MLLT3: variants seen among roughly 807,000 people sequenced by gnomAD.
MLLT3 encodes the protein protein AF-9.
MLLT3 carries 4 observed loss-of-function variants against 53.2 expected under a neutral mutation model. The observed-to-expected ratio is 0.08, with a 90% CI of 0.04 to 0.17. The LOEUF (loss-of-function observed/expected upper bound fraction) is 0.17. Ranked by LOEUF, MLLT3 falls within the 10% of genes least tolerant of loss-of-function variation. The pLI, the probability that MLLT3 is intolerant of heterozygous loss-of-function variation, is 1.00. For synonymous variants in MLLT3, 283 were observed against 230.6 expected, an observed-to-expected ratio of 1.23 and a Z score of -2.06; for missense variants, 569 against 684.0, an observed-to-expected ratio of 0.83 and a Z score of 1.87.
Position 20,353,614 on chromosome 9 carries a change from C to A in MLLT3, c.1504-18G>T, listed in dbSNP as rs372483629. Reference sequence around the variant, plus strand: ...AGGTATGCCTGAAAGAGAAGAATGTCCCCGAAAAGGACAAGCACTTTAAGT... The same window carrying A: ...AGGTATGCCTGAAAGAGAAGAATGTACCCGAAAAGGACAAGCACTTTAAGT... On this transcript the variant is annotated intron_variant, in intron 9 of 10. Coordinates refer to ENST00000380338, the MANE Select transcript of MLLT3 (RefSeq NM_004529.4). 1.2e-6 allele frequency: 2 copies of A among 1,607,366 alleles called. No individual in the cohort carries two copies. Among genetic ancestry groups the A allele is most frequent in the African/African-American group, 1.3e-5 (1 of 74,784 alleles).
At chr9:20,565,988 T>TTATATATATTTATATATA in intron 2 of MLLT3, among the ~76,000 whole-genome samples, 1 of 69,436 alleles carries the variant, frequency 1.4e-5, no homozygotes, top group Non-Finnish European at 2.9e-5. Flanking sequence ...ATATATTTAT[T>TTATATATATTTATATATA]TATATATTTA....
rs1820983415 is a variant in MLLT3 at position 20,620,855 on chromosome 9, GAC to G, written c.13-23_13-22del. The G allele has an allele frequency of 6.2e-7, 1 of 1,613,702 alleles. No individual in the cohort carries two copies. Among genetic ancestry groups the G allele is most frequent in the Non-Finnish European group, 8.5e-7 (1 of 1,179,876 alleles). On this transcript the variant is annotated intron_variant, in intron 1 of 10. Coordinates refer to ENST00000380338, the MANE Select transcript of MLLT3 (RefSeq NM_004529.4). This position sits in a 1 kb window ranked among gnomAD's most constrained non-coding sequence, Gnocchi z 6.1. ...GCACACTGCGGGCAGGGGGAGGAGAGACAGCCGTGAATAACAGGAAGGCGAGG... is the reference window on the plus strand; with the variant it reads ...GCACACTGCGGGCAGGGGGAGGAGAGAGCCGTGAATAACAGGAAGGCGAGG...
chr9:20,350,557 T>A (rs1820993397), intron 10 of MLLT3, among the ~76,000 whole-genome samples: 1 of 137,158 alleles, frequency 7.3e-6, no homozygotes, highest in Non-Finnish European at 1.5e-5. Context: ...ATCCCGCCAC[T>A]GCACTCCAGC....
At chr9:20,475,629 G>A (rs1265172324) in intron 2 of MLLT3, among the ~76,000 whole-genome samples, 1 of 152,036 alleles carries the variant, frequency 6.6e-6, no homozygotes. Flanking sequence ...TGGTGCATTT[G>A]TTTAAAACAA....
intron 10 of MLLT3, 68 bp from the exon 11 acceptor site, chr9:20,346,642 T>C: frequency 1.0e-5 from 15 of 1,466,402 alleles, no homozygotes; most frequent in African/African-American, 4.2e-5. Context: ...GAGAGAGTAA[T>C]GGAGGGGCGA....
At chr9:20,591,161 G>T (rs1820118804) in intron 2 of MLLT3, among the ~76,000 whole-genome samples, 1 of 152,022 alleles carries the variant, frequency 6.6e-6, no homozygotes, top group African/African-American at 2.4e-5. Flanking sequence ...CCTATTTTTT[G>T]AATCTAGTTT....
chr9:20,393,324 T>C (rs2118726104), intron 5 of MLLT3, among the ~76,000 whole-genome samples: 1 of 152,294 alleles, frequency 6.6e-6, no homozygotes, highest in South Asian at 2.1e-4. Context: ...TTCCAGAGTT[T>C]ACTGGGAAAC....
rs549825592 is a variant in MLLT3 at position 20,342,457 on chromosome 9, A to T, written c.*3986T>A. The T allele has an allele frequency of 4.5e-6, 1 of 222,246 alleles. No homozygotes were observed. Among genetic ancestry groups the T allele is most frequent in the African/African-American group, 2.2e-5 (1 of 44,646 alleles). The allele number at this position is 222,246 out of a possible 1,614,324, so 13.8% of individuals were successfully genotyped here. The stretch of plus-strand genomic sequence containing the variant: ...TCAATAATACATTTTCACTTAATTT[A>T]TTTTTGCACTGCATGGTAGCTCTGG... On this transcript the variant is annotated 3_prime_UTR_variant, in exon 11 of 11. Transcript: ENST00000380338.
At chr9:20,512,675 T>G (rs1817784932) in intron 2 of MLLT3, among the ~76,000 whole-genome samples, 1 of 152,244 alleles carries the variant, frequency 6.6e-6, no homozygotes, top group Non-Finnish European at 1.5e-5. Flanking sequence ...TTATTGTTTT[T>G]GGTTTTTTAA....
chr9:20,561,570 T>G (rs1435905950), intron 2 of MLLT3, among the ~76,000 whole-genome samples: 1 of 152,156 alleles, frequency 6.6e-6, no homozygotes, highest in East Asian at 1.9e-4. Flanking sequence ...CTTTCCAAAG[T>G]TGTCTTTAAA....
chr9:20,547,400 C>G (rs1587055123), intron 2 of MLLT3, among the ~76,000 whole-genome samples: 2 of 150,604 alleles, frequency 1.3e-5, no homozygotes, highest in African/African-American at 2.4e-5. Flanking sequence ...TCCCAGCACT[C>G]TGGGAGGCCG....
intron 4 of MLLT3, among the ~76,000 whole-genome samples, chr9:20,438,084 A>G (rs1823449993): frequency 6.6e-6 from 1 of 152,238 alleles, no homozygotes; most frequent in Non-Finnish European, 1.5e-5. Context: ...AGCACAAAGC[A>G]GAGTGGCAGA....
chr9:20,401,198 G>A (rs1235155082), intron 5 of MLLT3, among the ~76,000 whole-genome samples: 1 of 152,060 alleles, frequency 6.6e-6, no homozygotes, highest in East Asian at 1.9e-4. Context: ...TTACATGAAG[G>A]TAAAGCTCTG....
chr9:20,498,428 A>G (rs1223658603), intron 2 of MLLT3, among the ~76,000 whole-genome samples: 3 of 151,816 alleles, frequency 2.0e-5, no homozygotes, highest in Non-Finnish European at 2.9e-5. Context: ...TCACATCTGT[A>G]TATCTCCTTT....
intron 2 of MLLT3, among the ~76,000 whole-genome samples, chr9:20,519,176 C>T (rs1817992763): frequency 6.6e-6 from 1 of 151,032 alleles, no homozygotes; most frequent in African/African-American, 2.4e-5. Flanking sequence ...TCTTGAAACA[C>T]AAAAAAAAGA....
At chr9:20,501,581 C>G (rs529363750) in intron 2 of MLLT3, among the ~76,000 whole-genome samples, 10 of 151,582 alleles carry the variant, frequency 6.6e-5, no homozygotes, top group Admixed American at 1.3e-4. Context: ...GAAACCCCGT[C>G]TCTACTAAAA....
At chr9:20,510,059 A>G (rs1271003658) in intron 2 of MLLT3, among the ~76,000 whole-genome samples, 1 of 152,190 alleles carries the variant, frequency 6.6e-6, no homozygotes, top group African/African-American at 2.4e-5. Flanking sequence ...GGAAAGACTG[A>G]CAGGCTATAT....
chr9:20,541,155 G>C (rs1040498254), intron 2 of MLLT3, among the ~76,000 whole-genome samples: 1 of 152,146 alleles, frequency 6.6e-6, no homozygotes, highest in Non-Finnish European at 1.5e-5. Flanking sequence ...GAGACCACCT[G>C]TCTGGACTTC....
chr9:20,442,388 T>C (rs1197558523), intron 4 of MLLT3, among the ~76,000 whole-genome samples: 1 of 152,212 alleles, frequency 6.6e-6, no homozygotes. Context: ...GACATATCCA[T>C]GTGCACAAAG....
Sources: gnomAD v4.1 joint callset for allele counts (sites outside exome capture counted in the v4.1 genomes callset) on GRCh38, gnomAD v4.1.1 for gene constraint, Gnocchi (gnomAD v3.1) non-coding constraint, MANE v1.5 for transcripts, NCBI Gene and HGNC (gene_info 2026-07-23, HGNC 2026-07-21) for gene names.